The following KRABD3 variants were observed in gnomAD, a reference collection of about 807,000 sequenced individuals.
The protein encoded by KRABD3 is KRAB domain-containing protein 3.
chr7:149,726,867 C>G, the KRABD3 span, among the ~76,000 whole-genome samples: 58 of 152,252 alleles, frequency 3.8e-4, no homozygotes, highest in Non-Finnish European at 6.8e-4. Context: ...ATGTTCACAC[C>G]ACTGCACTCC....
At chr7:149,729,042 T>TG in the KRABD3 span, 3 of 664,238 alleles carry the variant, frequency 4.5e-6, no homozygotes, top group South Asian at 8.2e-5. Context: ...AGGCGCTCCC[T>TG]GGAACATGAC....
At chr7:149,723,713 A>T in the KRABD3 span, 1 of 1,558,716 alleles carries the variant, frequency 6.4e-7, no homozygotes, top group Non-Finnish European at 8.6e-7. Context: ...TCCAGGTGAA[A>T]ACATGTTCCT....
chr7:149,733,521 C>T, the KRABD3 span: 28 of 1,593,180 alleles, frequency 1.8e-5, no homozygotes, highest in Non-Finnish European at 2.4e-5. Flanking sequence ...TGGATGTGGA[C>T]CCTCCCACGG....
the KRABD3 span, chr7:149,719,814 C>T: frequency 8.1e-7 from 1 of 1,239,686 alleles, no homozygotes; most frequent in Non-Finnish European, 1.1e-6. This position sits in a 1 kb window ranked among gnomAD's most constrained non-coding sequence, Gnocchi z 5.6. Context: ...TATTCTATGT[C>T]CCGGGACCGG....
the KRABD3 span, chr7:149,723,908 G>T: frequency 6.2e-7 from 1 of 1,610,926 alleles, no homozygotes; most frequent in Non-Finnish European, 8.5e-7. Context: ...TTCTCGCTGG[G>T]CTGGGAGGGC....
the KRABD3 span, among the ~76,000 whole-genome samples, chr7:149,726,614 T>C: frequency 6.6e-6 from 1 of 151,928 alleles, no homozygotes; most frequent in Non-Finnish European, 1.5e-5. Flanking sequence ...ATCTTTGTGT[T>C]TTTAGTAGAG....
the KRABD3 span, among the ~76,000 whole-genome samples, chr7:149,716,725 C>T: frequency 2.0e-5 from 3 of 152,270 alleles, no homozygotes; most frequent in East Asian, 1.9e-4. Context: ...AGAGAGACAC[C>T]GGTGGTCAGG....
chr7:149,715,522 G>A, the KRABD3 span, among the ~76,000 whole-genome samples: 25 of 152,290 alleles, frequency 1.6e-4, no homozygotes, highest in African/African-American at 5.5e-4. Flanking sequence ...GTGACAGCCT[G>A]GGCACCGTTT....
chr7:149,723,358 G>C, the KRABD3 span, among the ~76,000 whole-genome samples: 1 of 152,236 alleles, frequency 6.6e-6, no homozygotes, highest in East Asian at 1.9e-4. Flanking sequence ...AGCCTAGGCT[G>C]TTCCCACTCA....
the KRABD3 span, chr7:149,730,308 C>T: frequency 1.3e-6 from 2 of 1,547,524 alleles, no homozygotes; most frequent in Non-Finnish European, 1.7e-6. Flanking sequence ...AGACCCGAGG[C>T]CAGAGCCTGA....
At chr7:149,734,360 C>T in the KRABD3 span, 1 of 336,976 alleles carries the variant, frequency 3.0e-6, no homozygotes, top group South Asian at 5.3e-5. Flanking sequence ...CCACGTGTGC[C>T]CCACATATGC....
the KRABD3 span, among the ~76,000 whole-genome samples, chr7:149,732,019 G>C: frequency 6.6e-6 from 1 of 152,240 alleles, no homozygotes; most frequent in Non-Finnish European, 1.5e-5. The surrounding 1 kb of genome is among the most constrained non-coding windows in gnomAD (Gnocchi z 4.0). Context: ...GGGGCTTGAG[G>C]GGACTTTAGA....
chr7:149,715,135 T>G, the KRABD3 span: 2 of 1,230,308 alleles, frequency 1.6e-6, no homozygotes, highest in Admixed American at 8.5e-5. Flanking sequence ...GAGAAAGAGC[T>G]GGGACCCCCC....
the KRABD3 span, among the ~76,000 whole-genome samples, chr7:149,716,133 G>T: frequency 2.6e-4 from 39 of 152,316 alleles, no homozygotes; most frequent in Non-Finnish European, 4.4e-4. Flanking sequence ...CAGGTTGAGA[G>T]GTCCTGTGGC....
At chr7:149,722,175 C>T in the KRABD3 span, 79 of 540,922 alleles carry the variant, frequency 1.5e-4, no homozygotes, top group African/African-American at 1.1e-3. Context: ...TCAAGGCTGC[C>T]GGCATCACTT....
chr7:149,721,233 C>A, the KRABD3 span: 1 of 1,086,852 alleles, frequency 9.2e-7, no homozygotes, highest in Non-Finnish European at 1.3e-6. Flanking sequence ...CCCACCATGG[C>A]CCCATTCAGA....
At chr7:149,716,402 G>A in the KRABD3 span, among the ~76,000 whole-genome samples, 14 of 152,242 alleles carry the variant, frequency 9.2e-5, no homozygotes, top group Non-Finnish European at 1.6e-4. Context: ...GGGGCCCGAG[G>A]AGGAAGGCCG....
chr7:149,728,459 G>C, the KRABD3 span: 1 of 1,542,684 alleles, frequency 6.5e-7, no homozygotes, highest in Non-Finnish European at 8.8e-7. Flanking sequence ...AAGACAGGGG[G>C]CTTCTGCAGT....
At chr7:149,728,507 T>C in the KRABD3 span, 2 of 1,612,136 alleles carry the variant, frequency 1.2e-6, no homozygotes, top group South Asian at 1.1e-5. Context: ...CATCTGTGAA[T>C]GTTTGATCTT....
Sources: gnomAD v4.1 joint callset for allele counts (sites outside exome capture counted in the v4.1 genomes callset) on GRCh38, gnomAD v4.1.1 for gene constraint, Gnocchi (gnomAD v3.1) non-coding constraint, MANE v1.5 for transcripts, NCBI Gene and HGNC (gene_info 2026-07-23, HGNC 2026-07-21) for gene names.